MTRES1: variants seen among roughly 807,000 people sequenced by gnomAD.
MTRES1 encodes the protein mitochondrial transcription rescue factor 1.
In MTRES1, 11 loss-of-function variants were observed where a neutral mutation model predicts 17.4. That is an observed-to-expected ratio of 0.63 (90% confidence interval 0.40 to 1.05). The LOEUF (loss-of-function observed/expected upper bound fraction) is 1.05. Ranked by LOEUF, MTRES1 falls within the 50% of genes least tolerant of loss-of-function variation. The pLI is 0.00. For missense variants in MTRES1, 268 were observed against 276.2 expected (o/e 0.97, Z 0.21); for synonymous variants, 94 against 99.6 (o/e 0.94, Z 0.34).
chr6:107,028,303 G>GGCCCCCTGCCCGC (rs1228327617), intron 1 of MTRES1, 32 bp downstream of exon 1: 7 of 152,370 alleles, frequency 4.6e-5, no homozygotes, highest in South Asian at 2.1e-4. Flanking sequence ...CGCCGCGCCG[G>GGCCCCCTGCCCGC]GCCCCCTGCC....
At chr6:107,050,431 A>G (rs1774552759) in intron 3 of MTRES1, among the ~76,000 whole-genome samples, 1 of 152,082 alleles carries the variant, frequency 6.6e-6, no homozygotes, top group African/African-American at 2.4e-5. Context: ...AAGTCACCCA[A>G]TAGATGTGAG....
intron 2 of MTRES1, among the ~76,000 whole-genome samples, chr6:107,042,301 C>T (rs1479741122): frequency 7.4e-6 from 1 of 134,408 alleles, no homozygotes; most frequent in Non-Finnish European, 1.5e-5. Flanking sequence ...GATCGCACCA[C>T]TGCACTCCAG....
rs369343108 is a variant in MTRES1 at position 107,029,344 on chromosome 6, C to T, written c.-13+1073C>T. On this transcript the variant is annotated intron_variant, in intron 1 of 3. Transcript: ENST00000311381. ...CTGGGACTACAGGCGCCTGCCACCACGCCCGGCTAATTTTTTGTATTTTTA... is the reference window on the plus strand; with the variant it reads ...CTGGGACTACAGGCGCCTGCCACCATGCCCGGCTAATTTTTTGTATTTTTA... Among the ~76,000 whole-genome samples, 18 of 152,256 alleles carry T rather than the reference C, an allele frequency of 1.2e-4. No individual in the cohort carries two copies. The East Asian group carries it at 2.5e-3, about 21-fold the overall frequency.
At chr6:107,046,008 T>C (rs311247) in intron 3 of MTRES1, among the ~76,000 whole-genome samples, 152,116 of 152,328 alleles carry the variant, frequency 1, 75,953 homozygotes, top group Middle Eastern at 1. Flanking sequence ...CAGGTTCTTG[T>C]AGCTCTGTGG....
At chr6:107,031,210 T>C (rs1374483202) in intron 1 of MTRES1, among the ~76,000 whole-genome samples, 3 of 151,544 alleles carry the variant, frequency 2.0e-5, no homozygotes, top group African/African-American at 7.3e-5. Flanking sequence ...TGAAACCCTG[T>C]GTCTACTAAA....
At chr6:107,028,722 G>A in intron 1 of MTRES1, 1 of 171,422 alleles carries the variant, frequency 5.8e-6, no homozygotes, top group African/African-American at 2.4e-5. Context: ...TCAGGAATGT[G>A]GAGCGTTTCC....
In MTRES1 at chr6:107,051,251, A is replaced by C. The variant is rs1201298619; in HGVS notation, c.*15A>C. On this transcript the variant is annotated 3_prime_UTR_variant, in exon 4 of 4. Transcript: ENST00000311381. ...TGTCTAAATAAATGGATTGCTTTTT[A>C]GCAATAGAGCTGCTTTCTAGTGGTA... 1 of 1,601,148 alleles carries C rather than the reference A, an allele frequency of 6.2e-7. No homozygotes were observed. Among genetic ancestry groups the C allele is most frequent in the Non-Finnish European group, 8.5e-7 (1 of 1,172,650 alleles).
chr6:107,034,082 G>A (rs1554226702), intron 1 of MTRES1, among the ~76,000 whole-genome samples: 1 of 152,116 alleles, frequency 6.6e-6, no homozygotes, highest in Admixed American at 6.6e-5. Context: ...TGACATTTTG[G>A]TATGTTTGTT....
chr6:107,039,261 G>A (rs1159886485), intron 1 of MTRES1, among the ~76,000 whole-genome samples: 6 of 151,850 alleles, frequency 4.0e-5, no homozygotes, highest in Non-Finnish European at 5.9e-5. Context: ...ACTGTGCTGT[G>A]GTATATGGCC....
intron 1 of MTRES1, among the ~76,000 whole-genome samples, chr6:107,032,893 CT>C (rs1473697743): frequency 1.3e-5 from 2 of 152,182 alleles, no homozygotes; most frequent in East Asian, 3.9e-4. Flanking sequence ...CATCCTTGCT[CT>C]GCGCTCCAGC....
chr6:107,050,960 G>A (rs1774582854), intron 3 of MTRES1, 97 bp from the exon 4 acceptor site: 2 of 989,494 alleles, frequency 2.0e-6, no homozygotes. Context: ...CCCTCCTCTG[G>A]GTCATGATCA....
rs781901753 is a variant in MTRES1 at position 107,039,788 on chromosome 6, G to A, written c.28G>A (p.Ala10Thr). 1 of 1,607,976 alleles carries A rather than the reference G, an allele frequency of 6.2e-7. No homozygotes were observed. The highest frequency in any genetic ancestry group is 1.1e-5 in the South Asian group (1 of 89,384). Residue 10 changes from alanine (A) to threonine (T), a missense_variant, in exon 2 of 4, where the codon GCC becomes ACC. Transcript: ENST00000311381. ...GGCTATGGCTAGTGTTAAATTGCTTGCCGGTGTTTTAAGAAAGCCAGATGC... is the reference window on the plus strand; with the variant it reads ...GGCTATGGCTAGTGTTAAATTGCTTACCGGTGTTTTAAGAAAGCCAGATGC... MAMASVKLLAGVLRKPDAWI... is the reference protein window; with the variant it reads MAMASVKLLTGVLRKPDAWI...
At chr6:107,040,286 T>C (rs1230552195) in intron 2 of MTRES1, 56 bp downstream of exon 2, 4 of 1,465,068 alleles carry the variant, frequency 2.7e-6, no homozygotes, top group African/African-American at 1.4e-5. Flanking sequence ...TATTTTAATA[T>C]AGCATTACAA....
rs375533850 is a variant in MTRES1, at chr6:107,039,881, C to T, written c.121C>T (p.Arg41Ter). The change falls in exon 2 of 4, where the codon CGA becomes TGA. Residue 41 changes from arginine to a stop codon, truncating the protein, a stop_gained. Transcript: ENST00000311381. LOFTEE classifies it high-confidence loss of function. The stretch of plus-strand genomic sequence containing the variant: ...ATACAAACTCTGTACTTCCTGGAAT[C>T]GATACTTGTATTTTTCTAGTACCAA... ...SSYKLCTSWN[R>*]YLYFSSTKLR... The T allele has an allele frequency of 1.9e-6, 3 of 1,614,044 alleles. No homozygotes were observed. The highest frequency in any genetic ancestry group is 2.2e-5 in the East Asian group (1 of 44,876).
At chr6:107,030,797 A>G (rs1773810045) in intron 1 of MTRES1, among the ~76,000 whole-genome samples, 1 of 152,198 alleles carries the variant, frequency 6.6e-6, no homozygotes, top group Non-Finnish European at 1.5e-5. Context: ...GACACTAGCC[A>G]AGGGCCAACT....
intron 1 of MTRES1, among the ~76,000 whole-genome samples, chr6:107,035,195 A>G (rs1554226827): frequency 6.6e-6 from 1 of 151,558 alleles, no homozygotes; most frequent in Non-Finnish European, 1.5e-5. Context: ...GTGCAATGAC[A>G]CAATCTCGGC....
chr6:107,046,933 TGTGTGTGTGTGTGTGTGTGTG>T (rs1774412513), intron 3 of MTRES1, among the ~76,000 whole-genome samples: 27 of 146,812 alleles, frequency 1.8e-4, no homozygotes, highest in African/African-American at 5.5e-4. Context: ...TTCATTCTTG[TGTGTGTGTGTGTGTGTGTGTG>T]TGTGTGTGTG....
intron 2 of MTRES1, among the ~76,000 whole-genome samples, chr6:107,042,312 C>CACCACTCA (rs1774245726): frequency 7.7e-6 from 1 of 130,182 alleles, no homozygotes; most frequent in Admixed American, 9.1e-5. Flanking sequence ...TGCACTCCAG[C>CACCACTCA]CTGGGCAACA....
intron 3 of MTRES1, among the ~76,000 whole-genome samples, chr6:107,049,502 C>G (rs1193659544): frequency 1.3e-5 from 2 of 150,592 alleles, no homozygotes; most frequent in Non-Finnish European, 3.0e-5. Context: ...CAAGCTCCGC[C>G]TCCCGGATTC....
Sources: allele counts gnomAD v4.1 joint callset (sites outside exome capture counted in the v4.1 genomes callset), GRCh38; gene constraint gnomAD v4.1.1; transcripts MANE v1.5; gene names NCBI Gene and HGNC (gene_info 2026-07-23, HGNC 2026-07-21).